SLC9A9: variants seen among roughly 807,000 people sequenced by gnomAD.
SLC9A9 encodes the protein solute carrier family 9 member A9, also known as sodium/hydrogen exchanger 9.
In SLC9A9, 62 loss-of-function variants were observed where a neutral mutation model predicts 77.8. The observed-to-expected ratio is 0.80, with a 90% CI of 0.65 to 0.98. The LOEUF (loss-of-function observed/expected upper bound fraction) is 0.98, where lower values mean the gene tolerates loss of function less well. Ranked by LOEUF, SLC9A9 falls within the 50% of genes least tolerant of loss-of-function variation. SLC9A9 has a pLI of 0.00. For missense variants in SLC9A9, 775 were observed against 774.9 expected (o/e 1.00, Z 0.00); for synonymous variants, 320 against 283.5 (o/e 1.13, Z -1.29).
At chr3:143,432,218 T>C (rs968064027) in intron 12 of SLC9A9, among the ~76,000 whole-genome samples, 2 of 152,190 alleles carry the variant, frequency 1.3e-5, no homozygotes, top group Non-Finnish European at 2.9e-5. Context: ...CACACATGTA[T>C]TTGTTAAGTG....
At chr3:143,417,474 G>A (rs747883177) in intron 12 of SLC9A9, among the ~76,000 whole-genome samples, 4 of 149,332 alleles carry the variant, frequency 2.7e-5, no homozygotes. Context: ...AGAGGGAAAG[G>A]GAGAATGGAG....
chr3:143,370,709 T>C (rs2033041300), intron 13 of SLC9A9, among the ~76,000 whole-genome samples: 1 of 151,192 alleles, frequency 6.6e-6, no homozygotes, highest in South Asian at 2.1e-4. Context: ...TGTAGATTTG[T>C]GATTCCATTA....
intron 12 of SLC9A9, among the ~76,000 whole-genome samples, chr3:143,406,175 T>G (rs1322517937): frequency 6.6e-6 from 1 of 152,208 alleles, no homozygotes; most frequent in East Asian, 1.9e-4. Flanking sequence ...GGGTTTCTCT[T>G]TTGAGTAGTT....
At chr3:143,810,029 G>A (rs894748948) in intron 2 of SLC9A9, among the ~76,000 whole-genome samples, 1 of 152,204 alleles carries the variant, frequency 6.6e-6, no homozygotes, top group Non-Finnish European at 1.5e-5. Flanking sequence ...CATTACGTAT[G>A]TCTTATGAAA....
At chr3:143,531,918 C>T (rs904114140) in intron 9 of SLC9A9, among the ~76,000 whole-genome samples, 2 of 152,138 alleles carry the variant, frequency 1.3e-5, no homozygotes, top group Admixed American at 1.3e-4. Context: ...TGTTCATTCT[C>T]ATTCTATCCT....
chr3:143,701,258 C>A (rs575989357), intron 4 of SLC9A9, among the ~76,000 whole-genome samples: 100 of 152,202 alleles, frequency 6.6e-4, no homozygotes, highest in African/African-American at 2.3e-3. Context: ...GACAAACATC[C>A]ACAAGCATCA....
At chr3:143,682,361 A>G (rs1933130444) in intron 5 of SLC9A9, among the ~76,000 whole-genome samples, 1 of 152,154 alleles carries the variant, frequency 6.6e-6, no homozygotes, top group Non-Finnish European at 1.5e-5. Flanking sequence ...AGGGTGGTAA[A>G]TTAAAGGAAG....
At chr3:143,288,419 C>T (rs905309873) in intron 14 of SLC9A9, among the ~76,000 whole-genome samples, 1 of 152,104 alleles carries the variant, frequency 6.6e-6, no homozygotes, top group African/African-American at 2.4e-5. Context: ...AAAAGACTGC[C>T]CTTGGCCCTG....
intron 14 of SLC9A9, among the ~76,000 whole-genome samples, chr3:143,311,117 T>G (rs1385501825): frequency 6.6e-6 from 1 of 152,220 alleles, no homozygotes; most frequent in Non-Finnish European, 1.5e-5. Flanking sequence ...TGGGAGATAG[T>G]GGTCTTTTCT....
intron 14 of SLC9A9, among the ~76,000 whole-genome samples, chr3:143,353,135 C>T (rs1358589395): frequency 6.6e-6 from 1 of 152,204 alleles, no homozygotes; most frequent in Non-Finnish European, 1.5e-5. Context: ...TTCACACTCT[C>T]AACCCTGCTC....
chr3:143,599,860 C>A (rs1559987321), intron 6 of SLC9A9, among the ~76,000 whole-genome samples: 1 of 152,090 alleles, frequency 6.6e-6, no homozygotes. Context: ...TGCCTCTTTC[C>A]ATTTAAGAAA....
chr3:143,797,271 C>T (rs574922135), intron 2 of SLC9A9, among the ~76,000 whole-genome samples: 14 of 151,650 alleles, frequency 9.2e-5, no homozygotes, highest in African/African-American at 2.9e-4. Flanking sequence ...ATTGGTTCTT[C>T]GCTTTCCCTA....
chr3:143,471,941 C>G (rs555144925), intron 11 of SLC9A9, among the ~76,000 whole-genome samples: 2 of 152,192 alleles, frequency 1.3e-5, no homozygotes, highest in Non-Finnish European at 2.9e-5. Flanking sequence ...AGCAAGCACT[C>G]GTGCTGCAGA....
At chr3:143,585,571 C>T (rs1349859742) in intron 6 of SLC9A9, among the ~76,000 whole-genome samples, 2 of 152,334 alleles carry the variant, frequency 1.3e-5, no homozygotes, top group East Asian at 3.9e-4. Flanking sequence ...GTCATTAGGA[C>T]TTCCTGAGAT....
chr3:143,412,823 C>T (rs1354152025), intron 12 of SLC9A9, among the ~76,000 whole-genome samples: 1 of 152,208 alleles, frequency 6.6e-6, no homozygotes, highest in African/African-American at 2.4e-5. Context: ...AGGTCTGGAT[C>T]TTTCTTCTCT....
intron 14 of SLC9A9, among the ~76,000 whole-genome samples, chr3:143,322,863 T>C (rs534680330): frequency 6.6e-6 from 1 of 152,086 alleles, no homozygotes; most frequent in East Asian, 1.9e-4. Context: ...ATAAAGCCAA[T>C]AAGAACTAAC....
chr3:143,412,687 T>G (rs996225409), intron 12 of SLC9A9, among the ~76,000 whole-genome samples: 1 of 152,228 alleles, frequency 6.6e-6, no homozygotes, highest in African/African-American at 2.4e-5. Flanking sequence ...TATTCCTCCC[T>G]CTTTAGCGCC....
chr3:143,434,903 C>T (rs1411332949), intron 12 of SLC9A9, among the ~76,000 whole-genome samples: 2 of 152,094 alleles, frequency 1.3e-5, no homozygotes, highest in African/African-American at 4.8e-5. Context: ...CTCATGTGGT[C>T]CACCCCACGA....
intron 12 of SLC9A9, among the ~76,000 whole-genome samples, chr3:143,459,534 G>A (rs2035152198): frequency 6.6e-6 from 1 of 152,122 alleles, no homozygotes; most frequent in Admixed American, 6.5e-5. Flanking sequence ...TCCTGCATAT[G>A]TGATACCCAG....
Sources: allele counts gnomAD v4.1 joint callset (sites outside exome capture counted in the v4.1 genomes callset), GRCh38; gene constraint gnomAD v4.1.1; transcripts MANE v1.5; gene names NCBI Gene and HGNC (gene_info 2026-07-23, HGNC 2026-07-21).